GABRG3: variants seen among roughly 807,000 people sequenced by gnomAD.
The protein encoded by GABRG3 is gamma-aminobutyric acid receptor subunit gamma-3.
In GABRG3, 25 loss-of-function variants were observed where a neutral mutation model predicts 48.8. That is an observed-to-expected ratio of 0.51 (90% confidence interval 0.37 to 0.72). The LOEUF is 0.72. Among genes scored for constraint, GABRG3 ranks in the 30% least tolerant of loss-of-function variants. The pLI, the probability that GABRG3 is intolerant of heterozygous loss-of-function variation, is 0.00. For missense variants in GABRG3, 394 were observed against 577.9 expected, an observed-to-expected ratio of 0.68 and a Z score of 3.26; for synonymous variants, 227 against 217.6, an observed-to-expected ratio of 1.04 and a Z score of -0.38.
At chr15:27,222,747 A>G (rs17137684) in intron 3 of GABRG3, among the ~76,000 whole-genome samples, 3,898 of 152,250 alleles carry the variant, frequency 0.026, 181 homozygotes, top group African/African-American at 0.089. Flanking sequence ...CAAACCAGAT[A>G]TCATGGTCCT....
chr15:27,069,094 C>T (rs985341049), intron 3 of GABRG3, among the ~76,000 whole-genome samples: 3 of 152,182 alleles, frequency 2.0e-5, no homozygotes, highest in Non-Finnish European at 2.9e-5. Flanking sequence ...ATTTTGCCCT[C>T]GTTCTTGTTT....
rs1891576448 is a variant in GABRG3 at position 27,537,596 on chromosome 15, A to G, written c.*4715A>G. On this transcript the variant is annotated 3_prime_UTR_variant, in exon 10 of 10. Coordinates refer to ENST00000615808, the MANE Select transcript of GABRG3 (RefSeq NM_033223.5). ...ATAGGGATAAAACGTGTATGTTTTG[A>G]GATGATTTGGTAAGAACTCAGCCAT... 6.6e-6 allele frequency: 1 copy of G among 152,104 alleles called. No individual in the cohort carries two copies. Among genetic ancestry groups the G allele is most frequent in the Non-Finnish European group, 1.5e-5 (1 of 68,020 alleles). The allele number at this position is 152,104 out of a possible 1,614,324, so 9.4% of individuals were successfully genotyped here.
At chr15:27,134,468 T>C (rs1315041783) in intron 3 of GABRG3, among the ~76,000 whole-genome samples, 1 of 152,118 alleles carries the variant, frequency 6.6e-6, no homozygotes, top group South Asian at 2.1e-4. Flanking sequence ...GACTCTCCGC[T>C]CTGTTCAAAG....
At chr15:27,086,918 G>A (rs1897086570) in intron 3 of GABRG3, among the ~76,000 whole-genome samples, 1 of 152,216 alleles carries the variant, frequency 6.6e-6, no homozygotes. Flanking sequence ...CTGGATGCAG[G>A]ACAAGGGCAG....
intron 5 of GABRG3, among the ~76,000 whole-genome samples, chr15:27,386,864 A>G (rs1024043229): frequency 7.9e-5 from 12 of 152,232 alleles, no homozygotes; most frequent in African/African-American, 2.9e-4. Flanking sequence ...CTCTGCCACC[A>G]TAGATCACTT....
intron 5 of GABRG3, among the ~76,000 whole-genome samples, chr15:27,343,131 C>T (rs1020310456): frequency 1.3e-5 from 2 of 152,130 alleles, no homozygotes; most frequent in African/African-American, 4.8e-5. Context: ...TGTGCAGTGC[C>T]TCGGGCTCAT....
chr15:27,281,521 G>C (rs541505384), intron 3 of GABRG3, among the ~76,000 whole-genome samples: 2 of 150,236 alleles, frequency 1.3e-5, no homozygotes, highest in South Asian at 4.2e-4. Context: ...TAGTTTTTAG[G>C]GGGTATATCT....
intron 5 of GABRG3, among the ~76,000 whole-genome samples, chr15:27,421,409 A>G (rs113599094): frequency 0.013 from 2,032 of 152,386 alleles, 34 homozygotes; most frequent in African/African-American, 0.047. Context: ...TAAGTGTGTC[A>G]CATATCCACT....
At chr15:27,099,843 C>T (rs189140327) in intron 3 of GABRG3, among the ~76,000 whole-genome samples, 1 of 152,272 alleles carries the variant, frequency 6.6e-6, no homozygotes. Flanking sequence ...TGGTCTATCA[C>T]TATAGATTCT....
At chr15:27,487,941 C>A (rs955524895) in intron 6 of GABRG3, among the ~76,000 whole-genome samples, 1 of 152,152 alleles carries the variant, frequency 6.6e-6, no homozygotes, top group Non-Finnish European at 1.5e-5. Context: ...ACGCAAATGA[C>A]AAACTGAATC....
intron 3 of GABRG3, among the ~76,000 whole-genome samples, chr15:27,117,569 G>A (rs1007923080): frequency 5.9e-5 from 9 of 152,112 alleles, no homozygotes; most frequent in African/African-American, 1.4e-4. Flanking sequence ...TCTCAAAAAC[G>A]TCATAGAAAA....
At chr15:27,167,137 G>A (rs2140408056) in intron 3 of GABRG3, among the ~76,000 whole-genome samples, 1 of 152,264 alleles carries the variant, frequency 6.6e-6, no homozygotes. Flanking sequence ...CTTAGTCTCT[G>A]TGCTTTGTGC....
intron 5 of GABRG3, among the ~76,000 whole-genome samples, chr15:27,464,337 T>A (rs1362934173): frequency 6.6e-6 from 1 of 152,196 alleles, no homozygotes; most frequent in African/African-American, 2.4e-5. Context: ...ATTCTGGACA[T>A]TTTATATAAA....
At chr15:27,056,314 C>A (rs1295889371) in intron 3 of GABRG3, among the ~76,000 whole-genome samples, 1 of 141,936 alleles carries the variant, frequency 7.0e-6, no homozygotes, top group African/African-American at 2.7e-5. Flanking sequence ...GATTGTGCCA[C>A]TGCACTCCAG....
intron 3 of GABRG3, among the ~76,000 whole-genome samples, chr15:27,265,176 C>T (rs765971884): frequency 5.3e-5 from 8 of 152,232 alleles, no homozygotes; most frequent in South Asian, 2.1e-4. Flanking sequence ...AACCCACTCT[C>T]CCTAATTGCC....
Position 26,971,531 on chromosome 15 carries a change from GC to G in GABRG3, c.-4del. 6.6e-7 allele frequency: 1 copy of G among 1,526,136 alleles called. No homozygotes were observed. The highest frequency in any genetic ancestry group is 8.8e-7 in the Non-Finnish European group (1 of 1,137,402). 94.5% of individuals were successfully genotyped at this position (1,526,136 alleles called of 1,614,324 possible). On this transcript the variant is annotated 5_prime_UTR_variant, in exon 1 of 10. Coordinates refer to ENST00000615808, the MANE Select transcript of GABRG3 (RefSeq NM_033223.5). ...CGGACCCTGCGCCCCGAGCTCCACG[GC>G]ACCATGGCCCCGAAGCTGCTGCTCC... is the stretch of plus-strand genomic sequence containing the variant.
chr15:27,251,431 G>A (rs192038399), intron 3 of GABRG3, among the ~76,000 whole-genome samples: 1 of 152,248 alleles, frequency 6.6e-6, no homozygotes, highest in Admixed American at 6.5e-5. Context: ...AGGAAACTTG[G>A]ACAGTGTAGA....
At chr15:27,077,790 C>T (rs550167609) in intron 3 of GABRG3, among the ~76,000 whole-genome samples, 1 of 152,204 alleles carries the variant, frequency 6.6e-6, no homozygotes, top group African/African-American at 2.4e-5. Flanking sequence ...CTTTTTTTCT[C>T]TCTTGTCCTA....
intron 3 of GABRG3, among the ~76,000 whole-genome samples, chr15:27,169,212 G>T (rs1194297134): frequency 6.6e-6 from 1 of 152,204 alleles, no homozygotes; most frequent in Non-Finnish European, 1.5e-5. Flanking sequence ...TACAATGGGA[G>T]AATTTATCTG....
Sources: allele counts gnomAD v4.1 joint callset (sites outside exome capture counted in the v4.1 genomes callset), GRCh38; gene constraint gnomAD v4.1.1; transcripts MANE v1.5; gene names NCBI Gene and HGNC (gene_info 2026-07-23, HGNC 2026-07-21).